The following ST6GALNAC5 variants were observed in gnomAD, a reference collection of about 807,000 sequenced individuals.
The protein encoded by ST6GALNAC5 is alpha-N-acetylgalactosaminide alpha-2,6-sialyltransferase 5.
In ST6GALNAC5, 27 loss-of-function variants were observed where a neutral mutation model predicts 33.6. The ratio of observed to expected loss-of-function variants is 0.80; its 90% CI spans 0.59 to 1.11. ST6GALNAC5 has a LOEUF of 1.11. Ranked by LOEUF, ST6GALNAC5 falls within the 50% of genes least tolerant of loss-of-function variation. The pLI, the probability that ST6GALNAC5 is intolerant of heterozygous loss-of-function variation, is 0.00. For synonymous variants in ST6GALNAC5, 194 were observed against 171.2 expected (o/e 1.13, Z -1.04); for missense variants, 428 against 454.0 (o/e 0.94, Z 0.52).
At position 77,063,459 on chromosome 1, in the gene ST6GALNAC5, G is replaced by A. The variant is rs1480030032; in HGVS notation, c.*253G>A. 1.0e-5 allele frequency: 5 copies of A among 484,530 alleles called. No homozygotes were observed. In the East Asian group the frequency reaches 1.7e-4, roughly 17 times the overall value. The allele number at this position is 484,530 out of a possible 1,614,324, so 30.0% of individuals were successfully genotyped here. ...CCTTAGGAGCTGAACATTCAATTCA[G>A]TTACACCACTATGACTAAAAACAGT... On this transcript the variant is annotated 3_prime_UTR_variant, in exon 5 of 5. Transcript: ENST00000477717.
In ST6GALNAC5 at chr1:77,060,461, G is replaced by GT. The variant is rs145310267; in HGVS notation, c.780-2513dup. Among the ~76,000 whole-genome samples the GT allele has an allele frequency of 1.0e-3, 157 of 152,276 alleles. 1 individual carries two copies. In the East Asian group the frequency reaches 0.019, roughly 18 times the overall value. Reference sequence around the variant, plus strand: ...TAGGAGTGTCTTTCTAAATGGCATAGTGAATTTAGTGAATTCCAGCTGATG... The same window carrying GT: ...TAGGAGTGTCTTTCTAAATGGCATAGTTGAATTTAGTGAATTCCAGCTGATG... On this transcript the variant is annotated intron_variant, in intron 4 of 4. Transcript: ENST00000477717.
chr1:77,011,748 C>T (rs1210836548), intron 2 of ST6GALNAC5, among the ~76,000 whole-genome samples: 1 of 151,478 alleles, frequency 6.6e-6, no homozygotes, highest in Non-Finnish European at 1.5e-5. Flanking sequence ...CATATAAGTA[C>T]TTATATACAA....
chr1:77,005,785 T>C (rs1343564861), intron 2 of ST6GALNAC5, among the ~76,000 whole-genome samples: 1 of 152,214 alleles, frequency 6.6e-6, no homozygotes, highest in Non-Finnish European at 1.5e-5. Flanking sequence ...GTACCTCATA[T>C]ACATGAAATC....
intron 2 of ST6GALNAC5, among the ~76,000 whole-genome samples, chr1:77,036,870 T>C (rs953371165): frequency 2.0e-5 from 3 of 152,182 alleles, no homozygotes; most frequent in Admixed American, 1.3e-4. Flanking sequence ...TTTTAGGTAG[T>C]GATACATGAA....
At chr1:76,972,394 C>T (rs946022110) in intron 2 of ST6GALNAC5, among the ~76,000 whole-genome samples, 8 of 152,128 alleles carry the variant, frequency 5.3e-5, no homozygotes, top group African/African-American at 1.9e-4. Context: ...CACAGCCAAA[C>T]CATTTCAAAT....
At chr1:77,014,961 A>G (rs926926122) in intron 2 of ST6GALNAC5, among the ~76,000 whole-genome samples, 2 of 152,184 alleles carry the variant, frequency 1.3e-5, no homozygotes, top group African/African-American at 2.4e-5. Context: ...AGAACTTGCC[A>G]TGTGCTAAGC....
chr1:76,891,151 G>T (rs1271023751), intron 2 of ST6GALNAC5, among the ~76,000 whole-genome samples: 3 of 152,036 alleles, frequency 2.0e-5, no homozygotes, highest in Admixed American at 2.0e-4. Context: ...AGCCTTTTAA[G>T]GAACAGCAAA....
intron 2 of ST6GALNAC5, among the ~76,000 whole-genome samples, chr1:77,013,270 AC>A (rs1650708987): frequency 6.6e-6 from 1 of 152,066 alleles, no homozygotes; most frequent in Non-Finnish European, 1.5e-5. Context: ...TCTGAAGCCT[AC>A]TCTGTGATTC....
chr1:76,997,468 A>T (rs993979512), intron 2 of ST6GALNAC5, among the ~76,000 whole-genome samples: 2 of 152,204 alleles, frequency 1.3e-5, no homozygotes, highest in Admixed American at 1.3e-4. Flanking sequence ...TTTCCAACAA[A>T]GCAGTGCTGT....
intron 2 of ST6GALNAC5, among the ~76,000 whole-genome samples, chr1:76,990,070 G>A (rs999716727): frequency 6.6e-6 from 1 of 152,094 alleles, no homozygotes; most frequent in Admixed American, 6.6e-5. Context: ...CTCTCCTGAA[G>A]TTTATTTAAC....
intron 2 of ST6GALNAC5, among the ~76,000 whole-genome samples, chr1:76,969,714 A>C (rs1175510191): frequency 2.0e-5 from 3 of 152,152 alleles, no homozygotes; most frequent in African/African-American, 7.2e-5. Context: ...GAACAGACAG[A>C]CTGCCTCCTC....
chr1:76,974,206 A>AC (rs1031847672), intron 2 of ST6GALNAC5, among the ~76,000 whole-genome samples: 3 of 125,072 alleles, frequency 2.4e-5, no homozygotes, highest in African/African-American at 9.4e-5. Flanking sequence ...TTTGCTTTTC[A>AC]CTTTTTTTTT....
intron 2 of ST6GALNAC5, among the ~76,000 whole-genome samples, chr1:76,888,423 T>C (rs80021337): frequency 0.039 from 5,908 of 152,298 alleles, 195 homozygotes; most frequent in African/African-American, 0.087. Flanking sequence ...TTAAGAGTAG[T>C]ACTCTGTATG....
At chr1:76,951,824 T>A (rs1647761247) in intron 2 of ST6GALNAC5, among the ~76,000 whole-genome samples, 1 of 152,110 alleles carries the variant, frequency 6.6e-6, no homozygotes, top group African/African-American at 2.4e-5. Flanking sequence ...TTTTGCCAAA[T>A]TATTGTATCT....
At chr1:76,950,330 T>C (rs1403674872) in intron 2 of ST6GALNAC5, among the ~76,000 whole-genome samples, 1 of 152,140 alleles carries the variant, frequency 6.6e-6, no homozygotes, top group Non-Finnish European at 1.5e-5. Context: ...ATATACCACA[T>C]ATTTATTTTA....
At position 76,895,357 on chromosome 1, in the gene ST6GALNAC5, G is replaced by A. The variant is rs569543489; in HGVS notation, c.261+26615G>A. On this transcript the variant is annotated intron_variant, in intron 2 of 4. Coordinates refer to ENST00000477717, the MANE Select transcript of ST6GALNAC5 (RefSeq NM_030965.3). ...GGCTGCTTCAAGTGGGATTAGGGGC[G>A]GCGTGGGAACCTAGAGTGGGAGAGA... 1.3e-3 allele frequency among the ~76,000 whole-genome samples: 200 copies of A among 152,208 alleles called. 1 individual carries two copies. Among genetic ancestry groups the A allele is most frequent in the African/African-American group, 2.1e-3 (87 of 41,520 alleles).
At position 77,063,136 on chromosome 1, in the gene ST6GALNAC5, A is replaced by G. The variant is rs1370179550; in HGVS notation, c.941A>G (p.His314Arg). ...FKNWARTFNI[H>R]FFQPDWKPES... ...AACTGGGCACGGACATTCAATATTC[A>G]CTTTTTTCAACCAGACTGGAAACCA... The change falls in exon 5 of 5, where the codon CAC (histidine) becomes CGC (arginine). Residue 314 changes from histidine (H) to arginine (R), a missense_variant. By Grantham distance (29) the His-to-Arg change is conservative (BLOSUM62 0). Coordinates refer to ENST00000477717, the MANE Select transcript of ST6GALNAC5 (RefSeq NM_030965.3). 3 of 1,613,876 alleles carry G rather than the reference A, an allele frequency of 1.9e-6. No homozygotes were observed. The highest frequency in any genetic ancestry group is 1.1e-5 in the South Asian group (1 of 91,066).
At chr1:76,881,631 CT>C (rs1272855563) in intron 2 of ST6GALNAC5, among the ~76,000 whole-genome samples, 3 of 152,030 alleles carry the variant, frequency 2.0e-5, no homozygotes, top group African/African-American at 7.3e-5. Flanking sequence ...TATAATGAGT[CT>C]TCAATAAGTA....
chr1:77,050,131 T>C, intron 3 of ST6GALNAC5, 127 bp from the exon 4 acceptor site: 1 of 706,276 alleles, frequency 1.4e-6, no homozygotes, highest in East Asian at 2.5e-5. Context: ...TCCAGATATT[T>C]ACCAAATGGA....
Sources: allele counts gnomAD v4.1 joint callset (sites outside exome capture counted in the v4.1 genomes callset), GRCh38; gene constraint gnomAD v4.1.1; transcripts MANE v1.5; gene names NCBI Gene and HGNC (gene_info 2026-07-23, HGNC 2026-07-21).